FAM216A: variants seen among roughly 807,000 people sequenced by gnomAD.
The protein encoded by FAM216A is protein FAM216A.
In FAM216A, 26 loss-of-function variants were observed where a neutral mutation model predicts 37.6. The ratio of observed to expected loss-of-function variants is 0.69; its 90% CI spans 0.51 to 0.96. The LOEUF is 0.96. FAM216A is among the 40% of genes least tolerant of loss of function. The pLI, the probability that FAM216A is intolerant of heterozygous loss-of-function variation, is 0.00. For missense variants in FAM216A, 326 were observed against 339.3 expected, an observed-to-expected ratio of 0.96 and a Z score of 0.31; for synonymous variants, 110 against 121.7, an observed-to-expected ratio of 0.90 and a Z score of 0.64.
At chr12:110,479,841 A>G (rs1181328493) in intron 2 of FAM216A, among the ~76,000 whole-genome samples, 2 of 151,862 alleles carry the variant, frequency 1.3e-5, no homozygotes, top group African/African-American at 4.8e-5. Flanking sequence ...CATCTAAAAA[A>G]AAACCCAAAA....
chr12:110,476,652 C>T (rs1437389976), intron 2 of FAM216A, among the ~76,000 whole-genome samples: 1 of 151,906 alleles, frequency 6.6e-6, no homozygotes, highest in East Asian at 1.9e-4. Flanking sequence ...CTCAGCCTCT[C>T]GAGTAGCTGG....
intron 1 of FAM216A, among the ~76,000 whole-genome samples, chr12:110,470,237 T>G (rs2062675979): frequency 6.6e-6 from 1 of 151,710 alleles, no homozygotes; most frequent in Non-Finnish European, 1.5e-5. Context: ...TAGCTGGGAT[T>G]ACAAGCGCCT....
chr12:110,485,887 T>A (rs919819410), intron 3 of FAM216A, among the ~76,000 whole-genome samples: 1 of 152,202 alleles, frequency 6.6e-6, no homozygotes, highest in Non-Finnish European at 1.5e-5. Context: ...TCCCTCAGAA[T>A]GTCCAACACA....
At chr12:110,489,923 T>C in intron 6 of FAM216A, 96 bp from the exon 7 acceptor site, 2 of 638,046 alleles carry the variant, frequency 3.1e-6, no homozygotes, top group Non-Finnish European at 5.5e-6. Context: ...AATTTGTCTT[T>C]ACTACAGGCT....
chr12:110,468,758 C>T (rs2062657312), upstream of FAM216A: 3 of 1,479,436 alleles, frequency 2.0e-6, no homozygotes, highest in Non-Finnish European at 2.7e-6. Context: ...CTGCCCGCCC[C>T]GCTCTCCCGA....
chr12:110,480,601 G>A (rs2062741931), intron 2 of FAM216A, among the ~76,000 whole-genome samples: 1 of 152,068 alleles, frequency 6.6e-6, no homozygotes. Flanking sequence ...ATAGGCATGA[G>A]CCAATGCACC....
intron 2 of FAM216A, among the ~76,000 whole-genome samples, chr12:110,478,090 T>C (rs765393117): frequency 3.9e-5 from 6 of 152,192 alleles, no homozygotes; most frequent in Non-Finnish European, 8.8e-5. Flanking sequence ...TCTACCATTT[T>C]TCAATTTATA....
chr12:110,477,485 TG>T (rs2062721160), intron 2 of FAM216A, among the ~76,000 whole-genome samples: 1 of 151,274 alleles, frequency 6.6e-6, no homozygotes, highest in Non-Finnish European at 1.5e-5. Context: ...CCTGAGTAGC[TG>T]GGACTACAGG....
chr12:110,480,269 T>C (rs893906077), intron 2 of FAM216A, among the ~76,000 whole-genome samples: 4 of 146,346 alleles, frequency 2.7e-5, no homozygotes, highest in African/African-American at 7.6e-5. Flanking sequence ...AGTGGCACGA[T>C]CTTGGCTCAC....
At position 110,486,362 on chromosome 12, in the gene FAM216A, G is replaced by A. The variant is rs2062776315; in HGVS notation, c.344G>A (p.Cys115Tyr). 6.2e-7 allele frequency: 1 copy of A among 1,613,846 alleles called. No homozygotes were observed. The highest frequency in any genetic ancestry group is 1.3e-5 in the African/African-American group (1 of 75,024). Residue 115 changes from cysteine to tyrosine, a missense_variant, in exon 4 of 7, where the codon TGC becomes TAC. Physicochemically the swap from Cys to Tyr is radical, Grantham distance 194. Coordinates refer to ENST00000377673, the MANE Select transcript of FAM216A (RefSeq NM_013300.3). ...ACCACAGGCCAGAAGCGTTACCTGT[G>A]CAGCATTGCTAAAATCTATAATGCA... ...DLTTGQKRYL[C>Y]SIAKIYNANY...
intron 2 of FAM216A, 124 bp from the exon 3 acceptor site, chr12:110,484,954 C>T (rs1159433885): frequency 3.4e-5 from 29 of 854,972 alleles, no homozygotes; most frequent in Non-Finnish European, 5.0e-5. Flanking sequence ...CCCACCTCGG[C>T]CTCCCAAAGT....
intron 3 of FAM216A, 31 bp downstream of exon 3, chr12:110,485,230 A>G: frequency 6.3e-7 from 1 of 1,583,886 alleles, no homozygotes; most frequent in Non-Finnish European, 8.6e-7. Flanking sequence ...TTAAATACCA[A>G]TACTCTTTGT....
At chr12:110,480,628 T>C (rs1390958949) in intron 2 of FAM216A, among the ~76,000 whole-genome samples, 1 of 152,038 alleles carries the variant, frequency 6.6e-6, no homozygotes, top group Admixed American at 6.6e-5. Flanking sequence ...ATTTTAATCA[T>C]TTTTAAGTGT....
At chr12:110,476,444 G>A (rs1003221882) in intron 2 of FAM216A, among the ~76,000 whole-genome samples, 2 of 151,682 alleles carry the variant, frequency 1.3e-5, no homozygotes, top group Non-Finnish European at 2.9e-5. Context: ...TCCTGACCTC[G>A]TGATCTACCC....
chr12:110,490,170 A>AGGTGAG lies in FAM216A; in HGVS notation c.*37_*42dup. The AGGTGAG allele has an allele frequency of 9.6e-7, 1 of 1,044,018 alleles. No individual in the cohort carries two copies. Among genetic ancestry groups the AGGTGAG allele is most frequent in the Non-Finnish European group, 1.5e-6 (1 of 660,002 alleles). The allele number at this position is 1,044,018 out of a possible 1,614,324, so 64.7% of individuals were successfully genotyped here. On this transcript the variant is annotated 3_prime_UTR_variant, in exon 7 of 7. Transcript: ENST00000377673. Reference sequence around the variant, plus strand: ...GTCTCGTGTATTGAATTCGTGCCAAAGGTGAGGGTAAGGGGTTGTGAGTTG... The same window carrying AGGTGAG: ...GTCTCGTGTATTGAATTCGTGCCAAAGGTGAGGGTGAGGGTAAGGGGTTGTGAGTTG...
rs1177711413 is a variant in FAM216A at position 110,469,220 on chromosome 12, G to C, written c.143+202G>C. The stretch of plus-strand genomic sequence containing the variant: ...AGGACTGCCTCGCGGTTGAGGGAGG[G>C]TCTCTGAGGGAAGCTTCGGAGGAGC... On this transcript the variant is annotated intron_variant, in intron 1 of 6. Coordinates refer to ENST00000377673, the MANE Select transcript of FAM216A (RefSeq NM_013300.3). The C allele has an allele frequency of 7.2e-6, 4 of 552,674 alleles. No homozygotes were observed. The Admixed American group carries it at 1.7e-4, about 23-fold the overall frequency. 34.2% of individuals were successfully genotyped at this position (552,674 alleles called of 1,614,324 possible).
At chr12:110,475,728 A>C (rs1329614440) in intron 2 of FAM216A, among the ~76,000 whole-genome samples, 1 of 151,286 alleles carries the variant, frequency 6.6e-6, no homozygotes, top group East Asian at 1.9e-4. Flanking sequence ...TGGCAAAAAA[A>C]AAAAAAAAAA....
chr12:110,471,198 G>T (rs901096626), intron 1 of FAM216A, among the ~76,000 whole-genome samples: 2 of 151,938 alleles, frequency 1.3e-5, no homozygotes, highest in African/African-American at 4.8e-5. Flanking sequence ...AGGTTCAAGC[G>T]ATTCTCCTGC....
rs2062658708 is a variant in FAM216A at position 110,468,883 on chromosome 12, G to C, written c.8G>C (p.Gly3Ala). ...CGTGCTGTCGGGGGAGGGATGCTGG[G>C]ACAGCTGCTCCCGCACACGGCTCGC... Reference protein sequence around the residue: MLGQLLPHTARGL... With the variant: MLAQLLPHTARGL... Residue 3 changes from glycine to alanine, a missense_variant, in exon 1 of 7, where the codon GGA (glycine) becomes GCA (alanine). Physicochemically the swap from Gly to Ala is moderately conservative, Grantham distance 60 (BLOSUM62 0). Coordinates refer to ENST00000377673, the MANE Select transcript of FAM216A (RefSeq NM_013300.3). 3 of 1,512,530 alleles carry C rather than the reference G, an allele frequency of 2.0e-6. No individual in the cohort carries two copies. Among genetic ancestry groups the C allele is most frequent in the Admixed American group, 4.2e-5 (2 of 47,560 alleles). The allele number at this position is 1,512,530 out of a possible 1,614,324, so 93.7% of individuals were successfully genotyped here. A position where few individuals can be genotyped will look rare whatever the true frequency, so the allele number is the denominator to read the frequency against.
Sources: gnomAD v4.1 joint callset for allele counts (sites outside exome capture counted in the v4.1 genomes callset) on GRCh38, gnomAD v4.1.1 for gene constraint, MANE v1.5 for transcripts, NCBI Gene and HGNC (gene_info 2026-07-23, HGNC 2026-07-21) for gene names.